Variants in MCPH1 observed in about 807,000 individuals in gnomAD.
MCPH1 encodes microcephalin 1.
A neutral mutation model predicts 84.5 loss-of-function variants in MCPH1; 104 were observed. The observed-to-expected ratio is 1.23, with a 90% CI of 1.05 to 1.45. The LOEUF is 1.45. Ranked by LOEUF, MCPH1 falls within the 40% of genes most tolerant of loss-of-function variation. MCPH1 has a pLI of 0.00. For synonymous variants in MCPH1, 514 were observed against 366.8 expected (o/e 1.40, Z -4.58); for missense variants, 1,498 against 1,005.7 (o/e 1.49, Z -6.62).
intron 11 of MCPH1, among the ~76,000 whole-genome samples, chr8:6,493,184 G>T (rs1374499992): frequency 6.6e-6 from 1 of 152,198 alleles, no homozygotes; most frequent in Non-Finnish European, 1.5e-5. Context: ...TGTGAGTACA[G>T]TGGTGACATG....
rs773614499 is a variant in MCPH1, at chr8:6,446,573, T to C, written c.1825+1026T>C. On this transcript the variant is annotated intron_variant, in intron 8 of 13. Coordinates refer to ENST00000344683, the MANE Select transcript of MCPH1 (RefSeq NM_024596.5). ...AAATTTGACAAGAAACTGTATTTTA[T>C]GTTCCATTAGCCTTAGTATGTGTTT... The C allele has an allele frequency of 2.4e-5, 24 of 982,680 alleles. No individual in the cohort carries two copies. The Middle Eastern group carries it at 3.1e-3, about 129-fold the overall frequency. The allele number at this position is 982,680 out of a possible 1,614,324, so 60.9% of individuals were successfully genotyped here. A position where few individuals can be genotyped will look rare whatever the true frequency, so the allele number is the denominator to read the frequency against.
intron 2 of MCPH1, among the ~76,000 whole-genome samples, chr8:6,413,753 C>CT (rs1164464040): frequency 5.5e-5 from 8 of 144,936 alleles, no homozygotes; most frequent in African/African-American, 1.8e-4. Flanking sequence ...AATACAGTAT[C>CT]TTTTTTTTTT....
At chr8:6,599,856 T>A (rs558187565) in intron 12 of MCPH1, among the ~76,000 whole-genome samples, 2 of 152,366 alleles carry the variant, frequency 1.3e-5, no homozygotes, top group East Asian at 3.9e-4. Flanking sequence ...CATATACCAA[T>A]TTTTGTAATT....
At chr8:6,437,008 T>C in intron 5 of MCPH1, among the ~76,000 whole-genome samples, 1 of 152,160 alleles carries the variant, frequency 6.6e-6, no homozygotes. Flanking sequence ...AGATGCTTTG[T>C]ACGTTTTTGG....
chr8:6,606,445 T>C (rs1381207288), intron 12 of MCPH1, among the ~76,000 whole-genome samples: 1 of 152,130 alleles, frequency 6.6e-6, no homozygotes, highest in Non-Finnish European at 1.5e-5. Context: ...ACCTAACCTA[T>C]ATATGGTGGG....
chr8:6,424,185 A>C (rs575780735), intron 3 of MCPH1, among the ~76,000 whole-genome samples: 1 of 152,338 alleles, frequency 6.6e-6, no homozygotes, highest in African/African-American at 2.4e-5. Flanking sequence ...TTGGATGTAG[A>C]AATTTTTACC....
chr8:6,483,138 T>G (rs1809440112), intron 11 of MCPH1, among the ~76,000 whole-genome samples: 1 of 152,202 alleles, frequency 6.6e-6, no homozygotes, highest in African/African-American at 2.4e-5. Context: ...GCAGGATCTG[T>G]GTGCTGAAAA....
At chr8:6,531,290 TTTC>T (rs1180254624) in intron 12 of MCPH1, among the ~76,000 whole-genome samples, 43 of 148,860 alleles carry the variant, frequency 2.9e-4, no homozygotes, top group Non-Finnish European at 4.8e-4. Context: ...TCTTTCTTTC[TTTC>T]TTTTTTTTTT....
chr8:6,632,580 G>A (rs562666457), intron 13 of MCPH1, among the ~76,000 whole-genome samples: 2 of 152,106 alleles, frequency 1.3e-5, no homozygotes, highest in Admixed American at 6.6e-5. Flanking sequence ...AAGGCCGAGG[G>A]GGGCGGATCA....
At chr8:6,476,649 C>T (rs1011421274) in intron 9 of MCPH1, among the ~76,000 whole-genome samples, 1 of 152,086 alleles carries the variant, frequency 6.6e-6, no homozygotes. Flanking sequence ...GCAGTCCTTC[C>T]CCAAATACGT....
intron 12 of MCPH1, among the ~76,000 whole-genome samples, chr8:6,584,523 A>G (rs1433496129): frequency 6.6e-6 from 1 of 152,214 alleles, no homozygotes; most frequent in Non-Finnish European, 1.5e-5. Context: ...CTTCACATCT[A>G]TAATAAACTT....
At chr8:6,457,314 C>T (rs1355809638) in intron 9 of MCPH1, among the ~76,000 whole-genome samples, 1 of 151,662 alleles carries the variant, frequency 6.6e-6, no homozygotes, top group East Asian at 1.9e-4. Context: ...TTTTCTGGGC[C>T]AGTCATGGTG....
chr8:6,420,586 A>G (rs957544274), intron 3 of MCPH1, among the ~76,000 whole-genome samples: 4 of 151,158 alleles, frequency 2.6e-5, no homozygotes, highest in African/African-American at 9.7e-5. Context: ...TGTTTTCTCT[A>G]CCTCATCTTC....
At chr8:6,612,505 G>T (rs115763173) in intron 12 of MCPH1, among the ~76,000 whole-genome samples, 2,482 of 152,166 alleles carry the variant, frequency 0.016, 68 homozygotes, top group African/African-American at 0.057. Context: ...TCCCCGACCC[G>T]TGCTCTTCAG....
chr8:6,505,361 G>GTA lies in MCPH1; in HGVS notation c.2214+5437_2214+5438dup, dbSNP rs1208296840. ...AAGAATATATATATTCTTTCTATAT[G>GTA]TATATAGAATATATATATTCTTTCT... On this transcript the variant is annotated intron_variant, in intron 12 of 13. Coordinates refer to ENST00000344683, the MANE Select transcript of MCPH1 (RefSeq NM_024596.5). Among the ~76,000 whole-genome samples, 150 of 40,590 alleles carry GTA rather than the reference G, an allele frequency of 3.7e-3. 5 individuals are homozygous for GTA. The highest frequency in any genetic ancestry group is 5.5e-3 in the Non-Finnish European group (114 of 20,650). 26.6% of individuals were successfully genotyped at this position (40,590 alleles called of 152,430 possible). A position where few individuals can be genotyped will look rare whatever the true frequency, so the allele number is the denominator to read the frequency against.
rs1809073083 is a variant in MCPH1, at chr8:6,480,520, A to G, written c.1974-194A>G. On this transcript the variant is annotated intron_variant, in intron 10 of 13. Coordinates refer to ENST00000344683, the MANE Select transcript of MCPH1 (RefSeq NM_024596.5). Reference sequence around the variant, plus strand: ...TTGTCTTCTCAGCCATTAAAATAGAATTGAGATCTGAAGTTTATTTCCCCA... The same window carrying G: ...TTGTCTTCTCAGCCATTAAAATAGAGTTGAGATCTGAAGTTTATTTCCCCA... Among the ~76,000 whole-genome samples, 3 of 152,194 alleles carry G rather than the reference A, an allele frequency of 2.0e-5. No individual in the cohort carries two copies. The South Asian group carries it at 6.2e-4, about 32-fold the overall frequency.
At chr8:6,581,570 A>G (rs900707175) in intron 12 of MCPH1, among the ~76,000 whole-genome samples, 1 of 152,264 alleles carries the variant, frequency 6.6e-6, no homozygotes, top group Admixed American at 6.5e-5. Context: ...ACATTTTTAC[A>G]ATACTAGTAT....
Position 6,409,263 on chromosome 8 carries a change from C to T in MCPH1, c.23-16C>T. On this transcript the variant is annotated splice_polypyrimidine_tract_variant and intron_variant, in intron 1 of 13. Coordinates refer to ENST00000344683, the MANE Select transcript of MCPH1 (RefSeq NM_024596.5). ...GAATTTCAAATGTATGTTTCATGTTCATATCTTGTTTTCAGATGTAGTGGC... is the reference window on the plus strand; with the variant it reads ...GAATTTCAAATGTATGTTTCATGTTTATATCTTGTTTTCAGATGTAGTGGC... 1.3e-6 allele frequency: 2 copies of T among 1,590,724 alleles called. No homozygotes were observed. Among genetic ancestry groups the T allele is most frequent in the Non-Finnish European group, 1.7e-6 (2 of 1,158,722 alleles).
chr8:6,440,774 C>G (rs575662075), intron 6 of MCPH1, among the ~76,000 whole-genome samples: 71 of 152,292 alleles, frequency 4.7e-4, no homozygotes, highest in African/African-American at 1.7e-3. Context: ...CAACTATTAC[C>G]TCGCTTAATT....
Sources: gnomAD v4.1 joint callset for allele counts (sites outside exome capture counted in the v4.1 genomes callset) on GRCh38, gnomAD v4.1.1 for gene constraint, MANE v1.5 for transcripts, NCBI Gene and HGNC (gene_info 2026-07-23, HGNC 2026-07-21) for gene names.